RAD54L2: variants seen among roughly 807,000 people sequenced by gnomAD.
RAD54L2 encodes the protein RAD54 like 2, also known as helicase ARIP4.
In RAD54L2, 27 loss-of-function variants were observed where a neutral mutation model predicts 138.4. The ratio of observed to expected loss-of-function variants is 0.20; its 90% CI spans 0.14 to 0.27. The LOEUF is 0.27. Among genes scored for constraint, RAD54L2 ranks in the 10% least tolerant of loss-of-function variants. The pLI, the probability that RAD54L2 is intolerant of heterozygous loss-of-function variation, is 1.00. For synonymous variants in RAD54L2, 644 were observed against 723.2 expected, an observed-to-expected ratio of 0.89 and a Z score of 1.76; for missense variants, 1,396 against 1,890.2, an observed-to-expected ratio of 0.74 and a Z score of 4.85.
intron 2 of RAD54L2, among the ~76,000 whole-genome samples, chr3:51,560,517 C>T (rs767668414): frequency 1.3e-4 from 20 of 151,870 alleles, no homozygotes; most frequent in Non-Finnish European, 2.6e-4. Flanking sequence ...CCCACCACCA[C>T]GCCTGGCTAA....
At chr3:51,632,151 C>T (rs181198873) in intron 7 of RAD54L2, among the ~76,000 whole-genome samples, 68 of 152,348 alleles carry the variant, frequency 4.5e-4, no homozygotes, top group Admixed American at 4.2e-3. Context: ...CTGCAAATGA[C>T]AGGATTTCAT....
At chr3:51,658,032 C>G (rs1446240224) in intron 21 of RAD54L2, among the ~76,000 whole-genome samples, 1 of 140,006 alleles carries the variant, frequency 7.1e-6, no homozygotes, top group Non-Finnish European at 1.5e-5. Context: ...TCAAGCAATT[C>G]TTCAGCCTCA....
At position 51,663,586 on chromosome 3, in the gene RAD54L2, A is replaced by G. The variant is rs1701843488; in HGVS notation, c.*166A>G. 2.6e-6 allele frequency: 1 copy of G among 387,680 alleles called. No individual in the cohort carries two copies. Among genetic ancestry groups the G allele is most frequent in the African/African-American group, 2.4e-5 (1 of 41,450 alleles). 24.0% of individuals were successfully genotyped at this position (387,680 alleles called of 1,614,324 possible). A position where few individuals can be genotyped will look rare whatever the true frequency, so the allele number is the denominator to read the frequency against. On this transcript the variant is annotated 3_prime_UTR_variant, in exon 23 of 23. Transcript: ENST00000684192. Reference sequence around the variant, plus strand: ...TGGCAGAGCTCTGTTGCTGTTTAACAAAAGAGGCAAAAAAAAAAAAAAAAA... The same window carrying G: ...TGGCAGAGCTCTGTTGCTGTTTAACGAAAGAGGCAAAAAAAAAAAAAAAAA...
chr3:51,565,866 T>C (rs1699205410), intron 2 of RAD54L2, among the ~76,000 whole-genome samples: 1 of 141,412 alleles, frequency 7.1e-6, no homozygotes. Context: ...TCTTGCTCTG[T>C]CACCCAGGCT....
chr3:51,602,563 G>T (rs1336538218), intron 3 of RAD54L2, among the ~76,000 whole-genome samples: 1 of 152,164 alleles, frequency 6.6e-6, no homozygotes, highest in Non-Finnish European at 1.5e-5. Flanking sequence ...TGCTTAAAAA[G>T]CTGTGTAGCC....
Position 51,664,791 on chromosome 3 carries a change from C to T in RAD54L2, c.*1371C>T, listed in dbSNP as rs1043107720. On this transcript the variant is annotated 3_prime_UTR_variant, in exon 23 of 23. Transcript: ENST00000684192. ...AGGGTGGGACTCATTCCACAGAAAT[C>T]GAAAGTTGTGATCATGGAGTTTGCA... The T allele has an allele frequency of 2.0e-5, 3 of 152,074 alleles. No homozygotes were observed. The highest frequency in any genetic ancestry group is 4.4e-5 in the Non-Finnish European group (3 of 68,014). 9.4% of individuals were successfully genotyped at this position (152,074 alleles called of 1,614,324 possible).
intron 3 of RAD54L2, among the ~76,000 whole-genome samples, chr3:51,610,656 A>AG (rs1335178302): frequency 4.6e-5 from 7 of 151,966 alleles, no homozygotes; most frequent in African/African-American, 1.7e-4. Flanking sequence ...AAAAAAAAAA[A>AG]ACAGAAAGAA....
At chr3:51,627,031 A>C (rs932397376) in intron 3 of RAD54L2, among the ~76,000 whole-genome samples, 3 of 152,190 alleles carry the variant, frequency 2.0e-5, no homozygotes, top group Non-Finnish European at 4.4e-5. Flanking sequence ...TCTAAACTTC[A>C]TGAGGGGAAG....
chr3:51,617,989 C>T (rs910569776), intron 3 of RAD54L2, among the ~76,000 whole-genome samples: 10 of 151,930 alleles, frequency 6.6e-5, no homozygotes, highest in Admixed American at 2.6e-4. Context: ...GACGGAGTCT[C>T]ACTCTGTCGC....
chr3:51,575,004 A>G (rs911765604), intron 2 of RAD54L2, among the ~76,000 whole-genome samples: 2 of 152,160 alleles, frequency 1.3e-5, no homozygotes, highest in African/African-American at 2.4e-5. Flanking sequence ...TCTTTAATCC[A>G]TCTTGAATTA....
chr3:51,608,228 G>A (rs911641022), intron 3 of RAD54L2, among the ~76,000 whole-genome samples: 6 of 151,840 alleles, frequency 4.0e-5, no homozygotes, highest in Non-Finnish European at 5.9e-5. Context: ...CATCTCAGAC[G>A]GGGCGGCGGG....
intron 9 of RAD54L2, among the ~76,000 whole-genome samples, chr3:51,635,143 C>G (rs569979082): frequency 6.6e-6 from 1 of 152,300 alleles, no homozygotes; most frequent in South Asian, 2.1e-4. Flanking sequence ...CTGGTCTCTT[C>G]TCCTCTTTCC....
chr3:51,659,751 C>CT (rs1701711145), intron 21 of RAD54L2, among the ~76,000 whole-genome samples: 1 of 152,206 alleles, frequency 6.6e-6, no homozygotes, highest in Non-Finnish European at 1.5e-5. Context: ...TCTCTAGAGA[C>CT]TAAGCTCCAT....
chr3:51,552,104 TCTA>T (rs1233585900), intron 2 of RAD54L2, among the ~76,000 whole-genome samples: 1 of 152,162 alleles, frequency 6.6e-6, no homozygotes, highest in Non-Finnish European at 1.5e-5. Context: ...ACACAGAAAT[TCTA>T]CTTATAGAAA....
At chr3:51,577,453 TC>T in intron 2 of RAD54L2, among the ~76,000 whole-genome samples, 1 of 152,310 alleles carries the variant, frequency 6.6e-6, no homozygotes, top group South Asian at 2.1e-4. Flanking sequence ...GGTGTTAAAA[TC>T]TCCCATTATT....
intron 3 of RAD54L2, among the ~76,000 whole-genome samples, chr3:51,597,499 A>G (rs1660384232): frequency 6.6e-6 from 1 of 152,172 alleles, no homozygotes; most frequent in Admixed American, 6.6e-5. Flanking sequence ...ATTATGACAT[A>G]GAAATCAAAA....
intron 3 of RAD54L2, among the ~76,000 whole-genome samples, chr3:51,592,868 G>A (rs1012730040): frequency 2.0e-5 from 3 of 152,008 alleles, no homozygotes; most frequent in Admixed American, 6.6e-5. Flanking sequence ...ATCCACACCC[G>A]GCCTAAAGCT....
chr3:51,564,287 G>A (rs1699163881), intron 2 of RAD54L2, among the ~76,000 whole-genome samples: 1 of 152,118 alleles, frequency 6.6e-6, no homozygotes, highest in African/African-American at 2.4e-5. Context: ...TCCTCCATTA[G>A]ATGTAACTGA....
chr3:51,545,602 GTCTC>G (rs556405829), intron 2 of RAD54L2, among the ~76,000 whole-genome samples: 1 of 151,740 alleles, frequency 6.6e-6, no homozygotes, highest in Non-Finnish European at 1.5e-5. Flanking sequence ...TTGAGACAGA[GTCTC>G]TCTCTGTCAC....
Sources: gnomAD v4.1 joint callset for allele counts (sites outside exome capture counted in the v4.1 genomes callset) on GRCh38, gnomAD v4.1.1 for gene constraint, MANE v1.5 for transcripts, NCBI Gene and HGNC (gene_info 2026-07-23, HGNC 2026-07-21) for gene names.